NKAIN3: variants seen among roughly 807,000 people sequenced by gnomAD.
NKAIN3 encodes the protein sodium/potassium-transporting ATPase subunit beta-1-interacting protein 3.
A neutral mutation model predicts 30.2 loss-of-function variants in NKAIN3; 25 were observed. The observed-to-expected ratio is 0.83, with a 90% CI of 0.60 to 1.16. NKAIN3 has a LOEUF of 1.16. Among genes scored for constraint, NKAIN3 ranks in the 50% most tolerant of loss-of-function variants. The pLI, the probability that NKAIN3 is intolerant of heterozygous loss-of-function variation, is 0.00. For synonymous variants in NKAIN3, 91 were observed against 89.6 expected (o/e 1.02, Z -0.09); for missense variants, 225 against 254.1 (o/e 0.89, Z 0.78).
chr8:62,557,487 T>C (rs1809438882), intron 1 of NKAIN3, among the ~76,000 whole-genome samples: 1 of 152,152 alleles, frequency 6.6e-6, no homozygotes, highest in African/African-American at 2.4e-5. Flanking sequence ...GTTCACACTG[T>C]TTTCTAAAGT....
chr8:62,806,455 C>T (rs1455588805), intron 4 of NKAIN3, among the ~76,000 whole-genome samples: 1 of 152,136 alleles, frequency 6.6e-6, no homozygotes, highest in African/African-American at 2.4e-5. Context: ...ACATATACAC[C>T]ATGGAATACT....
chr8:62,966,386 T>TG lies in NKAIN3; in HGVS notation c.*981dup. 1.0e-6 allele frequency: 1 copy of TG among 985,228 alleles called. No individual in the cohort carries two copies. Among genetic ancestry groups the TG allele is most frequent in the Non-Finnish European group, 1.2e-6 (1 of 829,786 alleles). 61.0% of individuals were successfully genotyped at this position (985,228 alleles called of 1,614,324 possible). On this transcript the variant is annotated 3_prime_UTR_variant, in exon 7 of 7. Coordinates refer to ENST00000623646, the MANE Select transcript of NKAIN3 (RefSeq NM_001304533.3). ...AAATGATATGGGAAGCAATTATCTG[T>TG]GGAAAAAAGGACTGTCTTGAAAACG...
chr8:62,482,428 C>T (rs1157785323), intron 1 of NKAIN3: 2 of 152,186 alleles, frequency 1.3e-5, no homozygotes, highest in Admixed American at 1.3e-4. Flanking sequence ...TTACTTCCAC[C>T]AATTTCAATC....
chr8:62,996,866 T>G (rs1804127958), intron 5 of NKAIN3, among the ~76,000 whole-genome samples: 1 of 152,200 alleles, frequency 6.6e-6, no homozygotes, highest in Non-Finnish European at 1.5e-5. Flanking sequence ...CCCATGGCCT[T>G]GGGCAGCTCC....
At chr8:62,281,260 T>C (rs1196188288) in intron 1 of NKAIN3, among the ~76,000 whole-genome samples, 1 of 152,142 alleles carries the variant, frequency 6.6e-6, no homozygotes, top group Non-Finnish European at 1.5e-5. Context: ...TTGATTCTTC[T>C]CTCTTTTCTT....
chr8:62,303,271 A>G (rs1814115592), intron 1 of NKAIN3, among the ~76,000 whole-genome samples: 1 of 150,470 alleles, frequency 6.6e-6, no homozygotes, highest in Non-Finnish European at 1.5e-5. Flanking sequence ...CAGTGTGAGC[A>G]AATTTCCGCA....
At chr8:62,929,563 T>C (rs1482521130) in intron 5 of NKAIN3, among the ~76,000 whole-genome samples, 4 of 152,202 alleles carry the variant, frequency 2.6e-5, no homozygotes, top group African/African-American at 4.8e-5. Flanking sequence ...GACAAGAAAG[T>C]TTCAGGGAAA....
chr8:62,289,285 G>C (rs540276772), intron 1 of NKAIN3, among the ~76,000 whole-genome samples: 102 of 152,246 alleles, frequency 6.7e-4, no homozygotes, highest in African/African-American at 2.3e-3. Flanking sequence ...TGTTGCCTTT[G>C]CTTTTGGTGT....
intron 1 of NKAIN3, among the ~76,000 whole-genome samples, chr8:62,264,210 G>A (rs1812537265): frequency 6.6e-6 from 1 of 152,152 alleles, no homozygotes; most frequent in Admixed American, 6.6e-5. Context: ...CTCCTAAGGA[G>A]CTGTCTCAGA....
At chr8:62,362,491 C>T (rs1398568152) in intron 1 of NKAIN3, among the ~76,000 whole-genome samples, 1 of 152,048 alleles carries the variant, frequency 6.6e-6, no homozygotes, top group Non-Finnish European at 1.5e-5. Context: ...AGGACAGTTT[C>T]CCAGGTGGGT....
chr8:62,584,483 C>T (rs1810408923), intron 2 of NKAIN3, among the ~76,000 whole-genome samples: 1 of 152,126 alleles, frequency 6.6e-6, no homozygotes, highest in Admixed American at 6.5e-5. Flanking sequence ...CTCAAGCTCA[C>T]CAGTGACTAG....
intron 1 of NKAIN3, among the ~76,000 whole-genome samples, chr8:62,400,808 A>G (rs1277106659): frequency 1.3e-5 from 2 of 151,368 alleles, no homozygotes; most frequent in African/African-American, 4.9e-5. Context: ...TCCATTGTAT[A>G]TTATTTGTTT....
intron 4 of NKAIN3, among the ~76,000 whole-genome samples, chr8:62,816,911 T>A (rs910413107): frequency 3.9e-5 from 6 of 152,152 alleles, no homozygotes; most frequent in Non-Finnish European, 7.4e-5. Flanking sequence ...TAGTCTGGGC[T>A]CAGGACCTGC....
intron 3 of NKAIN3, among the ~76,000 whole-genome samples, chr8:62,628,329 A>G (rs750644414): frequency 9.2e-5 from 14 of 152,182 alleles, no homozygotes; most frequent in Non-Finnish European, 1.5e-4. Flanking sequence ...AACAAAATGC[A>G]TTATTGATGT....
intron 1 of NKAIN3, among the ~76,000 whole-genome samples, chr8:62,308,076 C>G (rs1316795614): frequency 6.6e-6 from 1 of 150,508 alleles, no homozygotes; most frequent in Admixed American, 6.6e-5. Flanking sequence ...GAAGAAAAGA[C>G]AAGGCAGACT....
intron 1 of NKAIN3, among the ~76,000 whole-genome samples, chr8:62,462,570 G>A (rs926591460): frequency 2.6e-5 from 4 of 152,156 alleles, no homozygotes; most frequent in East Asian, 1.9e-4. Context: ...ATACTTTTAC[G>A]TTCTCTGAAT....
chr8:62,274,270 T>G (rs1309169609), intron 1 of NKAIN3, among the ~76,000 whole-genome samples: 1 of 152,164 alleles, frequency 6.6e-6, no homozygotes, highest in African/African-American at 2.4e-5. Context: ...AAAAGCAATT[T>G]TTTGGAGACT....
chr8:62,530,334 C>G (rs1808449280), intron 1 of NKAIN3, among the ~76,000 whole-genome samples: 1 of 152,160 alleles, frequency 6.6e-6, no homozygotes, highest in Non-Finnish European at 1.5e-5. Context: ...AATCACAACT[C>G]ATAGTCAAGT....
At chr8:62,271,219 T>C (rs1175478601) in intron 1 of NKAIN3, among the ~76,000 whole-genome samples, 2 of 152,208 alleles carry the variant, frequency 1.3e-5, no homozygotes, top group South Asian at 4.1e-4. Flanking sequence ...ACCCAAACTT[T>C]CAACAAAATA....
Sources: gnomAD v4.1 joint callset for allele counts (sites outside exome capture counted in the v4.1 genomes callset) on GRCh38, gnomAD v4.1.1 for gene constraint, MANE v1.5 for transcripts, NCBI Gene and HGNC (gene_info 2026-07-23, HGNC 2026-07-21) for gene names.